ZNF680: variants seen among roughly 807,000 people sequenced by gnomAD.
ZNF680 encodes the protein zinc finger protein 680.
ZNF680 carries 6 observed loss-of-function variants against 12.1 expected under a neutral mutation model. The observed-to-expected ratio is 0.49, with a 90% CI of 0.27 to 0.98. The LOEUF (loss-of-function observed/expected upper bound fraction) is 0.98. ZNF680 is among the 50% of genes least tolerant of loss of function. The probability of loss-of-function intolerance (pLI) is 0.12; values close to 1 mark genes in which losing one functional copy is unlikely to be tolerated. For synonymous variants in ZNF680, 170 were observed against 199.3 expected, an observed-to-expected ratio of 0.85 and a Z score of 1.24; for missense variants, 561 against 616.3, an observed-to-expected ratio of 0.91 and a Z score of 0.95.
intron 1 of ZNF680, chr7:64,551,716 C>T: frequency 6.5e-6 from 1 of 154,294 alleles, no homozygotes; most frequent in Middle Eastern, 7.5e-4. Flanking sequence ...CTGTGAAATG[C>T]TAAAATGGCT....
Position 64,522,078 on chromosome 7 carries a change from T to C in ZNF680, c.676A>G (p.Ile226Val), listed in dbSNP as rs1355075252. 6.2e-7 allele frequency: 1 copy of C among 1,612,634 alleles called. No homozygotes were observed. Among genetic ancestry groups the C allele is most frequent in the Non-Finnish European group, 8.5e-7 (1 of 1,179,426 alleles). Residue 226 changes from isoleucine (I) to valine (V), a missense_variant, in exon 4 of 4, where the codon ATT becomes GTT. Transcript: ENST00000309683. The stretch of plus-strand genomic sequence containing the variant: ...CCCATATGAATTCCCTTATGTTTAA[T>C]AAGCTCTGAGAACCAGTTAAGAACT... ...GKVLNWFSELIKHKGIHMGEK... is the reference protein window; with the variant it reads ...GKVLNWFSELVKHKGIHMGEK...
intron 1 of ZNF680, chr7:64,561,193 A>C (rs1488618965): frequency 6.4e-6 from 1 of 155,130 alleles, no homozygotes; most frequent in African/African-American, 2.4e-5. Flanking sequence ...TTTCCAAGGA[A>C]GAGTGCACCA....
chr7:64,524,038 C>T (rs1791695171), intron 3 of ZNF680, among the ~76,000 whole-genome samples: 1 of 144,450 alleles, frequency 6.9e-6, no homozygotes, highest in Non-Finnish European at 1.6e-5. Flanking sequence ...AAATATTAAT[C>T]AAATGAGAGA....
chr7:64,514,160 G>A, the ZNF680 span, among the ~76,000 whole-genome samples: 1 of 152,120 alleles, frequency 6.6e-6, no homozygotes, highest in Non-Finnish European at 1.5e-5. Flanking sequence ...AGTTCTGCAA[G>A]GGGCTCCTGG....
rs146417840 is a variant in ZNF680 at position 64,522,245 on chromosome 7, T to C, written c.509A>G (p.Asn170Ser). 209 of 1,612,732 alleles carry C rather than the reference T, an allele frequency of 1.3e-4. 2 individuals are homozygous for C. The African/African-American group carries it at 2.4e-3, about 19-fold the overall frequency. The stretch of plus-strand genomic sequence containing the variant: ...TCCAGTATTTCTTTTCTTATGACTG[T>C]TTGAATTTGAAAATTTATGAAAGAC... ...VKVFHKFSNS[N>S]SHKKRNTGKK... The change falls in exon 4 of 4, where the codon AAC becomes AGC. Residue 170 changes from asparagine (N) to serine (S), a missense_variant. Asn to Ser is a conservative substitution (Grantham distance 46). Coordinates refer to ENST00000309683, the MANE Select transcript of ZNF680 (RefSeq NM_178558.5).
chr7:64,556,729 T>C (rs924103694), intron 1 of ZNF680, among the ~76,000 whole-genome samples: 6 of 152,130 alleles, frequency 3.9e-5, no homozygotes, highest in African/African-American at 1.4e-4. Context: ...AAAGAAAATA[T>C]TATTGACATA....
intron 1 of ZNF680, among the ~76,000 whole-genome samples, chr7:64,548,233 A>T (rs1345529924): frequency 6.6e-6 from 1 of 152,276 alleles, no homozygotes; most frequent in African/African-American, 2.4e-5. Context: ...AGGGTAATTT[A>T]TTAGGACATA....
At chr7:64,561,911 G>A (rs368340632) in intron 1 of ZNF680, among the ~76,000 whole-genome samples, 12 of 109,824 alleles carry the variant, frequency 1.1e-4, no homozygotes, top group African/African-American at 3.8e-4. Flanking sequence ...CTCCAGCCTG[G>A]GCGACAGAGC....
chr7:64,543,705 A>G lies in ZNF680; in HGVS notation c.253+2T>C. ...GTTGTATTCACTATCACTCTCACCT[A>G]CCTGGGGGTTTGGCTACCATCTCCT... On this transcript the variant is annotated splice_donor_variant, in intron 3 of 3. Coordinates refer to ENST00000309683, the MANE Select transcript of ZNF680 (RefSeq NM_178558.5). LOFTEE classifies it high-confidence loss of function. 3 of 1,612,300 alleles carry G rather than the reference A, an allele frequency of 1.9e-6. No homozygotes were observed. Among genetic ancestry groups the G allele is most frequent in the Non-Finnish European group, 2.5e-6 (3 of 1,179,024 alleles).
At chr7:64,555,001 A>T (rs7784802) in intron 1 of ZNF680, among the ~76,000 whole-genome samples, 52,707 of 150,304 alleles carry the variant, frequency 0.35, 9,548 homozygotes, top group African/African-American at 0.44. Context: ...TAAAAAAATT[A>T]AAAAAAAAAT....
chr7:64,536,817 C>T (rs1490575928), intron 3 of ZNF680, among the ~76,000 whole-genome samples: 1 of 152,118 alleles, frequency 6.6e-6, no homozygotes, highest in Non-Finnish European at 1.5e-5. Flanking sequence ...GCCTATAATT[C>T]CAACACTTTG....
chr7:64,550,592 T>A (rs959691118), intron 1 of ZNF680, among the ~76,000 whole-genome samples: 1 of 152,216 alleles, frequency 6.6e-6, no homozygotes, highest in African/African-American at 2.4e-5. Context: ...ATGCACACGT[T>A]ACTCTAAGTT....
the ZNF680 span, among the ~76,000 whole-genome samples, chr7:64,508,591 C>T: frequency 6.6e-6 from 1 of 152,132 alleles, no homozygotes; most frequent in African/African-American, 2.4e-5. Flanking sequence ...AACTTTAACC[C>T]TTTACTTTCA....
At chr7:64,554,374 G>A (rs1046194692) in intron 1 of ZNF680, among the ~76,000 whole-genome samples, 3 of 151,672 alleles carry the variant, frequency 2.0e-5, no homozygotes, top group Non-Finnish European at 2.9e-5. Context: ...GGAGGTGGGG[G>A]GCAGCCCCAG....
At chr7:64,527,484 T>A (rs1040766777) in intron 3 of ZNF680, among the ~76,000 whole-genome samples, 7 of 151,954 alleles carry the variant, frequency 4.6e-5, no homozygotes, top group Non-Finnish European at 1.0e-4. Flanking sequence ...TCACCCAAGG[T>A]CAGAAGTTCG....
intron 1 of ZNF680, among the ~76,000 whole-genome samples, chr7:64,555,580 C>T (rs1281481150): frequency 6.6e-6 from 1 of 151,856 alleles, no homozygotes; most frequent in Non-Finnish European, 1.5e-5. Flanking sequence ...AACAACCTAA[C>T]ATCATGAATA....
chr7:64,524,147 A>ATTT (rs35895081), intron 3 of ZNF680, among the ~76,000 whole-genome samples: 2 of 139,366 alleles, frequency 1.4e-5, no homozygotes, highest in Admixed American at 7.2e-5. Context: ...ACAAAGAAGA[A>ATTT]TTTTTTTTTT....
the ZNF680 span, among the ~76,000 whole-genome samples, chr7:64,513,750 A>G: frequency 6.6e-6 from 1 of 151,812 alleles, no homozygotes; most frequent in Non-Finnish European, 1.5e-5. Context: ...GGTTCAAGCT[A>G]TTCTCCTGCC....
At chr7:64,525,952 A>G (rs1791817405) in intron 3 of ZNF680, 1 of 985,192 alleles carries the variant, frequency 1.0e-6, no homozygotes, top group Middle Eastern at 5.2e-4. Flanking sequence ...TAGTAGACAT[A>G]TGGCTGATTC....
Sources: gnomAD v4.1 joint callset for allele counts (sites outside exome capture counted in the v4.1 genomes callset) on GRCh38, gnomAD v4.1.1 for gene constraint, MANE v1.5 for transcripts, NCBI Gene and HGNC (gene_info 2026-07-23, HGNC 2026-07-21) for gene names.